Variants in TSHZ2 observed in about 807,000 individuals in gnomAD.
The protein encoded by TSHZ2 is teashirt homolog 2.
Under a neutral mutation model 74.4 loss-of-function variants are expected in TSHZ2, and 21 were observed. The observed-to-expected ratio is 0.28, with a 90% CI of 0.20 to 0.41. The LOEUF is 0.41. Ranked by LOEUF, TSHZ2 falls within the 10% of genes least tolerant of loss-of-function variation. The pLI is 1.00. For synonymous variants in TSHZ2, 540 were observed against 515.3 expected, an observed-to-expected ratio of 1.05 and a Z score of -0.65; for missense variants, 1,244 against 1,293.5, an observed-to-expected ratio of 0.96 and a Z score of 0.59.
intron 2 of TSHZ2, chr20:53,461,716 A>G (rs1985379679): frequency 6.6e-6 from 1 of 152,228 alleles, no homozygotes; most frequent in African/African-American, 2.4e-5. Context: ...TCTACATCCC[A>G]TTCTCTTCTG....
intron 1 of TSHZ2, among the ~76,000 whole-genome samples, chr20:53,159,301 A>G (rs8124782): frequency 0.2 from 30,823 of 152,224 alleles, 3,392 homozygotes; most frequent in East Asian, 0.42. Context: ...AGTACAGCTC[A>G]TGGGCCAAGT....
Position 52,973,029 on chromosome 20 carries a change from T to TAAACAAAC in TSHZ2, c.-254_-247dup. ...AAGAGAGAGGAAAAAAAATTCAAAA[T>TAAACAAAC]AAACAAACAAACAAACAAGGCAGAA... is the stretch of plus-strand genomic sequence containing the variant. On this transcript the variant is annotated 5_prime_UTR_variant, in exon 1 of 3. It introduces an in-frame stop codon into an upstream open reading frame of the 5' UTR. Transcript: ENST00000371497. 2.6e-6 allele frequency: 1 copy of TAAACAAAC among 380,748 alleles called. No homozygotes were observed. Among genetic ancestry groups the TAAACAAAC allele is most frequent in the Non-Finnish European group, 4.6e-6 (1 of 218,478 alleles). The allele number at this position is 380,748 out of a possible 1,614,324, so 23.6% of individuals were successfully genotyped here.
chr20:53,467,851 C>A (rs982587569), intron 2 of TSHZ2, among the ~76,000 whole-genome samples: 2 of 152,120 alleles, frequency 1.3e-5, no homozygotes, highest in African/African-American at 2.4e-5. Flanking sequence ...GATATGTGTA[C>A]CAGGCTTTAA....
chr20:53,327,296 G>C (rs79936339), intron 2 of TSHZ2, among the ~76,000 whole-genome samples: 1,716 of 152,314 alleles, frequency 0.011, 34 homozygotes, highest in African/African-American at 0.034. Context: ...AGGCCCCTGA[G>C]TAACTAATGA....
intron 1 of TSHZ2, among the ~76,000 whole-genome samples, chr20:53,119,554 G>A (rs192852603): frequency 6.6e-6 from 1 of 152,314 alleles, no homozygotes; most frequent in African/African-American, 2.4e-5. Context: ...TGCTGGAAAT[G>A]TCACTAATCC....
At chr20:53,237,991 C>A (rs972136175) in intron 1 of TSHZ2, among the ~76,000 whole-genome samples, 1 of 152,114 alleles carries the variant, frequency 6.6e-6, no homozygotes, top group Non-Finnish European at 1.5e-5. Context: ...AAATATACAT[C>A]TGGATAGAGG....
intron 1 of TSHZ2, among the ~76,000 whole-genome samples, chr20:53,191,367 A>C (rs1365239713): frequency 1.3e-5 from 2 of 152,230 alleles, no homozygotes; most frequent in African/African-American, 4.8e-5. Flanking sequence ...AATGTTATAA[A>C]AAGTTAAACT....
chr20:53,235,275 C>G (rs1376294465), intron 1 of TSHZ2, among the ~76,000 whole-genome samples: 1 of 152,074 alleles, frequency 6.6e-6, no homozygotes, highest in Non-Finnish European at 1.5e-5. Context: ...TCAAGTGATC[C>G]TCCCACCTCA....
chr20:53,138,528 C>T (rs1056020600), intron 1 of TSHZ2, among the ~76,000 whole-genome samples: 2 of 152,280 alleles, frequency 1.3e-5, no homozygotes, highest in Admixed American at 6.5e-5. Flanking sequence ...ATCAAACACT[C>T]GGCAGTTTTT....
chr20:53,345,255 G>A (rs1980390983), intron 2 of TSHZ2, among the ~76,000 whole-genome samples: 1 of 152,132 alleles, frequency 6.6e-6, no homozygotes, highest in Admixed American at 6.5e-5. Context: ...GGACAGCACA[G>A]GTGAGATGAC....
chr20:52,979,903 G>C (rs1177311422), intron 1 of TSHZ2, among the ~76,000 whole-genome samples: 1 of 152,088 alleles, frequency 6.6e-6, no homozygotes, highest in African/African-American at 2.4e-5. Context: ...GAAATTACAT[G>C]GGGGGAAGAA....
chr20:53,367,641 G>A (rs778885394), intron 2 of TSHZ2, among the ~76,000 whole-genome samples: 1 of 151,672 alleles, frequency 6.6e-6, no homozygotes, highest in Non-Finnish European at 1.5e-5. Flanking sequence ...CGCGATCTCG[G>A]CTCACTGCAA....
At chr20:53,067,110 T>A (rs1985015942) in intron 1 of TSHZ2, among the ~76,000 whole-genome samples, 1 of 152,216 alleles carries the variant, frequency 6.6e-6, no homozygotes, top group African/African-American at 2.4e-5. Context: ...ACCAGTGAAT[T>A]GCTTTGGTCC....
At chr20:53,104,192 G>C (rs1243127821) in intron 1 of TSHZ2, among the ~76,000 whole-genome samples, 1 of 148,148 alleles carries the variant, frequency 6.8e-6, no homozygotes, top group African/African-American at 2.5e-5. Flanking sequence ...CATGCCTCAA[G>C]TCACCTGAAT....
In TSHZ2 at chr20:53,254,465, C is replaced by T. The variant is rs1210440077; in HGVS notation, c.1007C>T (p.Thr336Ile). The T allele has an allele frequency of 6.2e-7, 1 of 1,614,048 alleles. No homozygotes were observed. Among genetic ancestry groups the T allele is most frequent in the East Asian group, 2.2e-5 (1 of 44,878 alleles). The change falls in exon 2 of 3, where the codon ACC becomes ATC. Residue 336 changes from threonine (T) to isoleucine (I), a missense_variant. Physicochemically the swap from Thr to Ile is moderately conservative, Grantham distance 89. Transcript: ENST00000371497. ...AATCGGCCGTGTTCCCCCGATTCAACCACAGGATCTTTTGCAGATTCTTTT... is the reference window on the plus strand; with the variant it reads ...AATCGGCCGTGTTCCCCCGATTCAATCACAGGATCTTTTGCAGATTCTTTT... ...DVNRPCSPDS[T>I]TGSFADSFSS...
At chr20:53,267,822 T>C (rs949404838) in intron 2 of TSHZ2, among the ~76,000 whole-genome samples, 10 of 152,358 alleles carry the variant, frequency 6.6e-5, no homozygotes, top group South Asian at 4.1e-4. Flanking sequence ...ACTTTTCACA[T>C]AGTATCCTTC....
intron 1 of TSHZ2, among the ~76,000 whole-genome samples, chr20:53,174,166 G>A (rs1387760438): frequency 2.0e-5 from 3 of 152,170 alleles, no homozygotes; most frequent in African/African-American, 7.2e-5. Flanking sequence ...ATGTCAAATG[G>A]GCTAGAGTAA....
intron 1 of TSHZ2, among the ~76,000 whole-genome samples, chr20:53,124,664 G>C (rs1986898758): frequency 6.6e-6 from 1 of 152,228 alleles, no homozygotes; most frequent in Non-Finnish European, 1.5e-5. Context: ...CTGAACCTTT[G>C]TCAGGTAGCA....
intron 1 of TSHZ2, chr20:53,185,595 G>A (rs753218337): frequency 3.1e-5 from 48 of 1,529,396 alleles, no homozygotes; most frequent in Non-Finnish European, 4.1e-5. Context: ...ACTCCAGCTG[G>A]GGATACAGAG....
Sources: gnomAD v4.1 joint callset for allele counts (sites outside exome capture counted in the v4.1 genomes callset) on GRCh38, gnomAD v4.1.1 for gene constraint, MANE v1.5 for transcripts, NCBI Gene and HGNC (gene_info 2026-07-23, HGNC 2026-07-21) for gene names.